Variants in NAAA observed in about 807,000 individuals in gnomAD.
The protein encoded by NAAA is N-acylethanolamine acid amidase, also known as N-acylethanolamine-hydrolyzing acid amidase.
Under a neutral mutation model 44.8 loss-of-function variants are expected in NAAA, and 39 were observed. The observed-to-expected ratio is 0.87, with a 90% CI of 0.67 to 1.14. The LOEUF (loss-of-function observed/expected upper bound fraction) is 1.14. Among genes scored for constraint, NAAA ranks in the 50% most tolerant of loss-of-function variants. The pLI, the probability that NAAA is intolerant of heterozygous loss-of-function variation, is 0.00. For synonymous variants in NAAA, 178 were observed against 191.3 expected (o/e 0.93, Z 0.58); for missense variants, 460 against 467.8 (o/e 0.98, Z 0.15).
At position 75,936,170 on chromosome 4, in the gene NAAA, T is replaced by C. The variant is rs748895471; in HGVS notation, c.437A>G (p.Tyr146Cys). ...CTTGCGTAAGACATTCCCAAAAGGATAATCCAAATTCCGACCATGGTAAAT... is the reference window on the plus strand; with the variant it reads ...CTTGCGTAAGACATTCCCAAAAGGACAATCCAAATTCCGACCATGGTAAAT... ...GHIYHGRNLDYPFGNVLRKLT... is the reference protein window; with the variant it reads ...GHIYHGRNLDCPFGNVLRKLT... Residue 146 changes from tyrosine (Y) to cysteine (C), a missense_variant, in exon 3 of 11, where the codon TAT becomes TGT. By Grantham distance (194) the Tyr-to-Cys change is radical. Transcript: ENST00000286733. 1 of 1,614,016 alleles carries C rather than the reference T, an allele frequency of 6.2e-7. No individual in the cohort carries two copies. Among genetic ancestry groups the C allele is most frequent in the South Asian group, 1.1e-5 (1 of 91,086 alleles).
intron 5 of NAAA, among the ~76,000 whole-genome samples, chr4:75,925,521 A>T (rs1294989250): frequency 1.3e-5 from 2 of 152,204 alleles, no homozygotes; most frequent in Non-Finnish European, 2.9e-5. Flanking sequence ...TTACTCCAAT[A>T]GCATATACTG....
At chr4:75,927,793 AAC>A (rs1726870231) in intron 4 of NAAA, among the ~76,000 whole-genome samples, 1 of 130,130 alleles carries the variant, frequency 7.7e-6, no homozygotes, top group Non-Finnish European at 1.7e-5. Flanking sequence ...TCTCAAAACA[AAC>A]AAAAAAAAAT....
In NAAA at chr4:75,925,782, C is replaced by T. The variant is rs772892418; in HGVS notation, c.619G>A (p.Ala207Thr). 4.3e-6 allele frequency: 7 copies of T among 1,613,962 alleles called. No homozygotes were observed. Among genetic ancestry groups the T allele is most frequent in the African/African-American group, 1.3e-5 (1 of 74,892 alleles). ...DKGWWWENAI[A>T]ALFRRHIPVS... Reference sequence around the variant, plus strand: ...GGAATGTGTCTCCGAAACAGGGCAGCGATAGCATTCTCCCACCACCAGCCT... The same window carrying T: ...GGAATGTGTCTCCGAAACAGGGCAGTGATAGCATTCTCCCACCACCAGCCT... Residue 207 changes from alanine (A) to threonine (T), a missense_variant, in exon 5 of 11, where the codon GCT (alanine) becomes ACT (threonine). By Grantham distance (58) the Ala-to-Thr change is moderately conservative. Transcript: ENST00000286733.
At chr4:75,933,018 C>A (rs1727373962) in intron 3 of NAAA, among the ~76,000 whole-genome samples, 1 of 151,504 alleles carries the variant, frequency 6.6e-6, no homozygotes, top group Non-Finnish European at 1.5e-5. Context: ...ACCTGTGGTC[C>A]CAGCTACTCG....
intron 9 of NAAA, chr4:75,917,818 G>A (rs768827592): frequency 8.8e-5 from 37 of 421,560 alleles, no homozygotes; most frequent in African/African-American, 3.8e-4. Context: ...AAGAATGTGA[G>A]TAAAATCCTA....
chr4:75,918,523 T>C (rs968107325), intron 9 of NAAA, among the ~76,000 whole-genome samples: 1 of 152,140 alleles, frequency 6.6e-6, no homozygotes, highest in African/African-American at 2.4e-5. Flanking sequence ...GATTTCTTCA[T>C]GGACTTCTCA....
chr4:75,923,696 C>T (rs28759823), intron 5 of NAAA, among the ~76,000 whole-genome samples: 43,722 of 151,776 alleles, frequency 0.29, 6,976 homozygotes, highest in East Asian at 0.49. Flanking sequence ...CCCGCCACTA[C>T]ACCTGACTAA....
intron 2 of NAAA, 76 bp downstream of exon 2, chr4:75,939,923 AAT>A (rs1416285487): frequency 1.2e-5 from 18 of 1,542,006 alleles, no homozygotes; most frequent in South Asian, 8.0e-5. Context: ...TCACACGGAA[AAT>A]ATGTCTCCTC....
At chr4:75,935,335 G>A (rs1727613198) in intron 3 of NAAA, 1 of 152,160 alleles carries the variant, frequency 6.6e-6, no homozygotes, top group Non-Finnish European at 1.5e-5. Context: ...CCAAAATCTG[G>A]CTTTTGCACT....
intron 5 of NAAA, 32 bp from the exon 6 acceptor site, chr4:75,921,155 C>T (rs1205931189): frequency 2.6e-6 from 4 of 1,543,372 alleles, no homozygotes; most frequent in Non-Finnish European, 3.5e-6. Context: ...CGTGAGCAAC[C>T]CCACCTGCAG....
At chr4:75,927,923 C>A (rs1376812955) in intron 4 of NAAA, among the ~76,000 whole-genome samples, 9 of 152,164 alleles carry the variant, frequency 5.9e-5, no homozygotes, top group African/African-American at 2.2e-4. Flanking sequence ...ATTTGCATTT[C>A]TCTGATGTGA....
At chr4:75,930,074 C>T (rs1403361846) in intron 4 of NAAA, among the ~76,000 whole-genome samples, 3 of 151,846 alleles carry the variant, frequency 2.0e-5, no homozygotes, top group African/African-American at 2.4e-5. Flanking sequence ...GGCAACAGGG[C>T]GAGACTGTCT....
In NAAA at chr4:75,939,414, ATT is replaced by A. The variant is rs377331355; in HGVS notation, c.371+585_371+586del. Among the ~76,000 whole-genome samples, 112 of 137,238 alleles carry A rather than the reference ATT, an allele frequency of 8.2e-4. 1 individual carries two copies. Among genetic ancestry groups the A allele is most frequent in the African/African-American group, 2.3e-3 (86 of 37,190 alleles). 90.0% of individuals were successfully genotyped at this position (137,238 alleles called of 152,430 possible). A position where few individuals can be genotyped will look rare whatever the true frequency, so the allele number is the denominator to read the frequency against. On this transcript the variant is annotated intron_variant, in intron 2 of 10. Transcript: ENST00000286733. Reference sequence around the variant, plus strand: ...CCTGGAAAAGTACGTTTTGAGCAGAATTTTTTTTTTTTTTTTTTTGAGACAGA... The same window carrying A: ...CCTGGAAAAGTACGTTTTGAGCAGAATTTTTTTTTTTTTTTTTGAGACAGA...
intron 2 of NAAA, 95 bp downstream of exon 2, chr4:75,939,906 G>A (rs745366521): frequency 4.1e-6 from 6 of 1,473,660 alleles, no homozygotes; most frequent in Non-Finnish European, 5.6e-6. Flanking sequence ...GCACCGCCCT[G>A]TTTTTATCAC....
chr4:75,928,701 G>A (rs1328101644), intron 4 of NAAA, among the ~76,000 whole-genome samples: 5 of 152,112 alleles, frequency 3.3e-5, no homozygotes, highest in African/African-American at 1.2e-4. Flanking sequence ...AAACACTTCT[G>A]TGGCCCTTGC....
intron 9 of NAAA, among the ~76,000 whole-genome samples, chr4:75,916,126 C>T (rs981976995): frequency 7.9e-5 from 12 of 152,202 alleles, no homozygotes; most frequent in South Asian, 4.1e-4. Context: ...ACTGATGAGC[C>T]ACAGCAGAGG....
chr4:75,918,253 G>T (rs1272969023), intron 9 of NAAA, among the ~76,000 whole-genome samples: 4 of 152,036 alleles, frequency 2.6e-5, no homozygotes, highest in Non-Finnish European at 5.9e-5. Context: ...GGAGATCAAG[G>T]CCATCCTGGC....
chr4:75,930,665 A>G (rs1048694741), intron 4 of NAAA, among the ~76,000 whole-genome samples: 2 of 152,166 alleles, frequency 1.3e-5, no homozygotes, highest in African/African-American at 4.8e-5. Flanking sequence ...TAAAAATATA[A>G]ATCACATCTG....
rs759084103 is a variant in NAAA at position 75,918,756 on chromosome 4, C to T, written c.998+5G>A. The T allele has an allele frequency of 8.7e-6, 14 of 1,612,766 alleles. No homozygotes were observed. In the South Asian group the frequency reaches 1.3e-4, roughly 15 times the overall value. ...GTGAACAGACATGTTTAACAAGCCA[C>T]TTACTTGTTATAAACTGGAACCACC... is the stretch of plus-strand genomic sequence containing the variant. On this transcript the variant is annotated splice_donor_5th_base_variant and intron_variant, in intron 9 of 10. Transcript: ENST00000286733.
Sources: allele counts gnomAD v4.1 joint callset (sites outside exome capture counted in the v4.1 genomes callset), GRCh38; gene constraint gnomAD v4.1.1; transcripts MANE v1.5; gene names NCBI Gene and HGNC (gene_info 2026-07-23, HGNC 2026-07-21).